Variants in IMMP2L observed in about 807,000 individuals in gnomAD.
IMMP2L encodes the protein mitochondrial inner membrane protease subunit 2.
In IMMP2L, 18 loss-of-function variants were observed where a neutral mutation model predicts 19.3. That is an observed-to-expected ratio of 0.93 (90% CI 0.64 to 1.38). The LOEUF (loss-of-function observed/expected upper bound fraction) is 1.38. IMMP2L is among the 40% of genes most tolerant of loss of function. The pLI, the probability that IMMP2L is intolerant of heterozygous loss-of-function variation, is 0.00. For synonymous variants in IMMP2L, 76 were observed against 73.0 expected (o/e 1.04, Z -0.21); for missense variants, 233 against 218.2 (o/e 1.07, Z -0.43).
intron 3 of IMMP2L, among the ~76,000 whole-genome samples, chr7:111,473,321 A>G (rs1406425532): frequency 6.6e-6 from 1 of 152,050 alleles, no homozygotes; most frequent in Non-Finnish European, 1.5e-5. Context: ...GTATTCATCT[A>G]TTCCAAAGTT....
rs185436527 is a variant in IMMP2L at position 110,870,903 on chromosome 7, T to C, written c.408+15690A>G. 8.2e-4 allele frequency among the ~76,000 whole-genome samples: 125 copies of C among 152,190 alleles called. No individual in the cohort carries two copies. The highest frequency in any genetic ancestry group is 2.8e-3 in the African/African-American group (116 of 41,534). On this transcript the variant is annotated intron_variant, in intron 5 of 5. Transcript: ENST00000405709. The surrounding 1 kb of genome is among the most constrained non-coding windows in gnomAD (Gnocchi z 4.2). ...TAGAGATCGGGTTTGAGGATAACTG[T>C]AAGATAACTGCAGCTGCCACAGAGA...
At position 111,445,726 on chromosome 7, in the gene IMMP2L, G is replaced by C. The variant is rs538046750; in HGVS notation, c.239+41512C>G. ...GAGCCAAGATGGCCGAATAGGAACA[G>C]CTCCGGTCTACAGCTCCCAGCGTGA... On this transcript the variant is annotated intron_variant, in intron 3 of 5. Transcript: ENST00000405709. Among the ~76,000 whole-genome samples, 46 of 152,316 alleles carry C rather than the reference G, an allele frequency of 3.0e-4. 1 individual carries two copies. The highest frequency in any genetic ancestry group is 4.7e-4 in the Non-Finnish European group (32 of 68,024).
intron 3 of IMMP2L, among the ~76,000 whole-genome samples, chr7:111,462,365 C>T (rs913734214): frequency 1.3e-5 from 2 of 152,052 alleles, no homozygotes; most frequent in Non-Finnish European, 2.9e-5. Flanking sequence ...TTTTCCAAAA[C>T]TGCCTCATAT....
At chr7:111,409,699 T>C (rs918723194) in intron 3 of IMMP2L, among the ~76,000 whole-genome samples, 1 of 151,798 alleles carries the variant, frequency 6.6e-6, no homozygotes, top group African/African-American at 2.4e-5. Context: ...ATATTCAGAT[T>C]TAGAAAAATT....
chr7:111,539,436 T>C (rs1416650138), intron 1 of IMMP2L, among the ~76,000 whole-genome samples: 6 of 152,030 alleles, frequency 3.9e-5, no homozygotes, highest in Non-Finnish European at 7.4e-5. Context: ...CTATAAGGCA[T>C]TAAGAATTTT....
chr7:110,873,537 G>A (rs1331942415), intron 5 of IMMP2L, among the ~76,000 whole-genome samples: 1 of 150,758 alleles, frequency 6.6e-6, no homozygotes, highest in Non-Finnish European at 1.5e-5. Context: ...GCTGAGGCGG[G>A]CGGATTACCT....
intron 3 of IMMP2L, among the ~76,000 whole-genome samples, chr7:111,163,055 T>A (rs553592720): frequency 1.3e-5 from 2 of 152,164 alleles, no homozygotes; most frequent in South Asian, 2.1e-4. Flanking sequence ...CTTGCAATTA[T>A]AAATGCTTTT....
intron 5 of IMMP2L, among the ~76,000 whole-genome samples, chr7:110,699,423 C>T (rs1489817867): frequency 6.6e-6 from 1 of 152,120 alleles, no homozygotes; most frequent in Admixed American, 6.5e-5. Context: ...TATAGCTCCC[C>T]TCTCCTTGAG....
At chr7:110,984,858 C>A (rs1217510573) in intron 3 of IMMP2L, among the ~76,000 whole-genome samples, 1 of 152,012 alleles carries the variant, frequency 6.6e-6, no homozygotes. Context: ...CCTGTAAATA[C>A]GTGAGCTTTC....
At chr7:110,818,863 A>G (rs1584927533) in intron 5 of IMMP2L, among the ~76,000 whole-genome samples, 2 of 150,788 alleles carry the variant, frequency 1.3e-5, no homozygotes, top group Non-Finnish European at 1.5e-5. Flanking sequence ...CGCAAGGACA[A>G]AAAACCAAAC....
At chr7:111,538,958 A>G (rs539772643) in intron 1 of IMMP2L, among the ~76,000 whole-genome samples, 6 of 151,304 alleles carry the variant, frequency 4.0e-5, no homozygotes, top group East Asian at 3.9e-4. Flanking sequence ...CGTCTCTACT[A>G]AAAAAACAAA....
intron 4 of IMMP2L, chr7:110,962,308 T>C (rs562286118): frequency 1.3e-5 from 2 of 152,114 alleles, no homozygotes; most frequent in African/African-American, 2.4e-5. Flanking sequence ...AAATAGAAAA[T>C]TGTTTTAAAA....
At chr7:110,853,109 T>A (rs1045793417) in intron 5 of IMMP2L, among the ~76,000 whole-genome samples, 2 of 151,704 alleles carry the variant, frequency 1.3e-5, no homozygotes, top group Non-Finnish European at 2.9e-5. Context: ...TACATTTGCA[T>A]ACACACACAC....
chr7:110,958,020 T>C (rs1348298510), intron 4 of IMMP2L, among the ~76,000 whole-genome samples: 3 of 152,020 alleles, frequency 2.0e-5, no homozygotes, highest in Admixed American at 6.6e-5. Context: ...CTCCGGTATC[T>C]AGACCAGTGC....
chr7:111,546,355 C>A (rs1219424927), intron 1 of IMMP2L, among the ~76,000 whole-genome samples: 1 of 151,944 alleles, frequency 6.6e-6, no homozygotes, highest in African/African-American at 2.4e-5. Flanking sequence ...AAATTTGTTT[C>A]TTTGCCAATT....
At chr7:111,089,902 T>C (rs1308319484) in intron 3 of IMMP2L, among the ~76,000 whole-genome samples, 1 of 151,994 alleles carries the variant, frequency 6.6e-6, no homozygotes, top group Non-Finnish European at 1.5e-5. Flanking sequence ...CTGCAAACTA[T>C]TGTTCTATGT....
At chr7:110,875,717 T>C (rs960053480) in intron 5 of IMMP2L, among the ~76,000 whole-genome samples, 1 of 151,994 alleles carries the variant, frequency 6.6e-6, no homozygotes, top group African/African-American at 2.4e-5. Flanking sequence ...GCTTTGAAAA[T>C]GGTTTGGTCG....
intron 3 of IMMP2L, among the ~76,000 whole-genome samples, chr7:111,254,187 G>A (rs1816448822): frequency 6.6e-6 from 1 of 152,000 alleles, no homozygotes; most frequent in Non-Finnish European, 1.5e-5. Flanking sequence ...GAATGATAGA[G>A]AAAAGACTTA....
intron 3 of IMMP2L, among the ~76,000 whole-genome samples, chr7:111,310,502 C>T (rs555400527): frequency 1.1e-4 from 17 of 152,080 alleles, no homozygotes; most frequent in Middle Eastern, 3.4e-3. Flanking sequence ...CTAAATTAAG[C>T]CAATCAAATA....
Sources: allele counts gnomAD v4.1 joint callset (sites outside exome capture counted in the v4.1 genomes callset), GRCh38; gene constraint gnomAD v4.1.1; non-coding constraint Gnocchi (gnomAD v3.1); transcripts MANE v1.5; gene names NCBI Gene and HGNC (gene_info 2026-07-23, HGNC 2026-07-21).